The following SF1 variants were observed in gnomAD, a reference collection of about 807,000 sequenced individuals.
SF1 encodes the protein branch point-binding protein.
In SF1, 7 loss-of-function variants were observed where a neutral mutation model predicts 62.5. That is an observed-to-expected ratio of 0.11 (90% CI 0.06 to 0.21). SF1 has a LOEUF of 0.21. Among genes scored for constraint, SF1 ranks in the 10% least tolerant of loss-of-function variants. The probability of loss-of-function intolerance (pLI) is 1.00; values close to 1 mark genes in which losing one functional copy is unlikely to be tolerated. For missense variants in SF1, 578 were observed against 884.0 expected (o/e 0.65, Z 4.39); for synonymous variants, 394 against 323.6 (o/e 1.22, Z -2.33).
At chr11:64,777,588 A>T (rs1360117502) in intron 1 of SF1, 2 of 985,292 alleles carry the variant, frequency 2.0e-6, no homozygotes, top group East Asian at 2.3e-4. Context: ...ACCAGAAGGG[A>T]GTCGCTGCAC....
rs1206187656 is a variant in SF1, at chr11:64,771,997, A to C, written c.236+1433T>G. 4 of 985,426 alleles carry C rather than the reference A, an allele frequency of 4.1e-6. No individual in the cohort carries two copies. The South Asian group carries it at 1.9e-4, about 46-fold the overall frequency. 61.0% of individuals were successfully genotyped at this position (985,426 alleles called of 1,614,324 possible). ...CCCACCCCACAGCTGTCTAGAATTA[A>C]GCATTCTTAGCTAGTTACAAAAACA... On this transcript the variant is annotated intron_variant, in intron 3 of 12. Transcript: ENST00000377390.
At position 64,773,212 on chromosome 11, in the gene SF1, G is replaced by T. The variant is rs569180064; in HGVS notation, c.236+218C>A. The T allele has an allele frequency of 1.5e-5, 20 of 1,358,964 alleles. No individual in the cohort carries two copies. The East Asian group carries it at 5.6e-4, about 38-fold the overall frequency. The allele number at this position is 1,358,964 out of a possible 1,614,324, so 84.2% of individuals were successfully genotyped here. On this transcript the variant is annotated intron_variant, in intron 3 of 12. Coordinates refer to ENST00000377390, the MANE Select transcript of SF1 (RefSeq NM_004630.4). The stretch of plus-strand genomic sequence containing the variant: ...TTGGAAACCAGTTGTCCATTTTCCT[G>T]TAACTTTTTATTCTCCCAACATTTT...
rs1404947890 is a variant in SF1, at chr11:64,773,481, G to C, written c.185C>G (p.Thr62Ser). ...CAGGTCTCCTGTGCGCAGTTTACGA[G>C]TCAGGTCTTCTATCTGCAGTTGCAC... ...YIVQLQIEDL[T>S]RKLRTGDLGI... The change falls in exon 3 of 13, where the codon ACT becomes AGT. Residue 62 changes from threonine to serine, a missense_variant. Transcript: ENST00000377390. 6.2e-7 allele frequency: 1 copy of C among 1,613,322 alleles called. No individual in the cohort carries two copies. The highest frequency in any genetic ancestry group is 1.3e-5 in the African/African-American group (1 of 74,964).
In SF1 at chr11:64,770,449, T is replaced by TC. The variant is rs1491374725; in HGVS notation, c.237-42dup. On this transcript the variant is annotated intron_variant, in intron 3 of 12. Coordinates refer to ENST00000377390, the MANE Select transcript of SF1 (RefSeq NM_004630.4). ...TCCCGTTTACTATTCTGCACCGACT[T>TC]CTCTCATTCCCACACGGACTATAAC... The TC allele has an allele frequency of 3.1e-6, 5 of 1,596,176 alleles. No homozygotes were observed. The South Asian group carries it at 5.5e-5, about 18-fold the overall frequency.
intron 4 of SF1, 98 bp downstream of exon 4, chr11:64,770,158 G>C: frequency 6.4e-7 from 1 of 1,554,080 alleles, no homozygotes; most frequent in East Asian, 2.2e-5. Context: ...TGGGTGACTT[G>C]AGGCAAGAGG....
At chr11:64,778,038 G>C (rs897698330) in intron 1 of SF1, 2 of 1,011,572 alleles carry the variant, frequency 2.0e-6, no homozygotes, top group Non-Finnish European at 1.2e-6. Context: ...GGCGGCTGGG[G>C]TGGCGGCGGC....
At chr11:64,766,622 A>G in intron 12 of SF1, 1 of 425,092 alleles carries the variant, frequency 2.4e-6, no homozygotes, top group Non-Finnish European at 4.2e-6. Flanking sequence ...CCGCTCACTC[A>G]GCCTGCGAGG....
intron 1 of SF1, chr11:64,777,937 G>T: frequency 1.0e-6 from 1 of 980,418 alleles, no homozygotes; most frequent in African/African-American, 1.8e-5. Flanking sequence ...CCCCTCAGGC[G>T]GCCGGGCCCG....
In SF1 at chr11:64,767,184, G is replaced by A. The variant is rs373334671; in HGVS notation, c.1402+8C>T. ...GGTGAAGACCCACAGCCAGCAGACAGCCATTACCTTTTCCTTGATGCAGGC... is the reference window on the plus strand; with the variant it reads ...GGTGAAGACCCACAGCCAGCAGACAACCATTACCTTTTCCTTGATGCAGGC... On this transcript the variant is annotated splice_region_variant and intron_variant, in intron 11 of 12. Coordinates refer to ENST00000377390, the MANE Select transcript of SF1 (RefSeq NM_004630.4). The A allele has an allele frequency of 1.9e-6, 3 of 1,613,980 alleles. No homozygotes were observed. The highest frequency in any genetic ancestry group is 2.2e-5 in the East Asian group (1 of 44,884).
chr11:64,767,488 A>G, intron 10 of SF1, 83 bp downstream of exon 10: 3 of 1,386,658 alleles, frequency 2.2e-6, no homozygotes, highest in Non-Finnish European at 2.9e-6. Context: ...GCCACTTGAG[A>G]GCTGCTTCTA....
intron 8 of SF1, 91 bp from the exon 9 acceptor site, chr11:64,768,377 C>T (rs561158): frequency 0.99 from 1,243,352 of 1,250,500 alleles, 618,457 homozygotes; most frequent in East Asian, 1. Flanking sequence ...ATGGAAAGTT[C>T]TGAAGAATTC....
chr11:64,765,988 G>C lies in SF1; in HGVS notation c.1750C>G (p.Pro584Ala). The C allele has an allele frequency of 1.9e-6, 3 of 1,604,190 alleles. No individual in the cohort carries two copies. The highest frequency in any genetic ancestry group is 1.3e-5 in the African/African-American group (1 of 74,678). The change falls in exon 13 of 13, where the codon CCT (proline) becomes GCT (alanine). Residue 584 changes from proline to alanine, a missense_variant. Pro to Ala is a conservative substitution (Grantham distance 27, BLOSUM62 -1). Transcript: ENST00000377390. ...GAACCAGGCGGTGGAGGCGGCGGAG[G>C]GGGAGGGGCCCCAGGCGGCAGAGGC... ...QPPLPPGAPP[P>A]PPPPPPGSAG... is the part of the protein sequence containing the mutation.
intron 10 of SF1, 62 bp from the exon 11 acceptor site, chr11:64,767,313 C>A: frequency 6.7e-7 from 1 of 1,483,192 alleles, no homozygotes; most frequent in South Asian, 1.1e-5. Context: ...GAAGCCACCC[C>A]TGTGATAACC....
chr11:64,772,790 C>T (rs924571995), intron 3 of SF1: 5 of 985,016 alleles, frequency 5.1e-6, no homozygotes, highest in South Asian at 4.7e-5. Flanking sequence ...TTGAGGCCCA[C>T]GCTCCCTTTA....
intron 2 of SF1, among the ~76,000 whole-genome samples, chr11:64,775,319 A>C (rs1038488620): frequency 6.6e-6 from 1 of 152,192 alleles, no homozygotes; most frequent in African/African-American, 2.4e-5. Flanking sequence ...AGATATAAAG[A>C]ATTTGTGCTC....
At position 64,768,106 on chromosome 11, in the gene SF1, C is replaced by G. The variant is rs1257026992; in HGVS notation, c.1068G>C (p.Pro356=). Residue 356 remains proline (P), a splice_region_variant and synonymous_variant, in exon 9 of 13, where the codon CCG becomes CCC. Coordinates refer to ENST00000377390, the MANE Select transcript of SF1 (RefSeq NM_004630.4). ...PAAPANNPPP[P]SLMSTTQSRP... ...CAAGAGAGCCAGCCCCCAGGCTCAC[C>G]GGTGGAGGTGGGTTGTTGGCGGGAG... 1 of 1,607,210 alleles carries G rather than the reference C, an allele frequency of 6.2e-7. No individual in the cohort carries two copies. The highest frequency in any genetic ancestry group is 8.5e-7 in the Non-Finnish European group (1 of 1,176,824).
Position 64,778,354 on chromosome 11 carries a change from C to T in SF1, c.31+8G>A, listed in dbSNP as rs1379381569. The T allele has an allele frequency of 2.4e-6, 3 of 1,226,950 alleles. No homozygotes were observed. Among genetic ancestry groups the T allele is most frequent in the Non-Finnish European group, 2.0e-6 (2 of 984,098 alleles). The allele number at this position is 1,226,950 out of a possible 1,614,324, so 76.0% of individuals were successfully genotyped here. On this transcript the variant is annotated splice_region_variant and intron_variant, in intron 1 of 12. Coordinates refer to ENST00000377390, the MANE Select transcript of SF1 (RefSeq NM_004630.4). ...GGAGCGGGGGCAGCCCGGGGGGGCC[C>T]AGCTTACCCAACGGCGTGGCGTTCG...
chr11:64,766,554 C>A, intron 12 of SF1: 1 of 417,376 alleles, frequency 2.4e-6, no homozygotes. Context: ...GCAGCCCTTG[C>A]CAGAGCAAGC....
chr11:64,769,802 GAAGTT>G lies in SF1; in HGVS notation c.479+157_479+161del, dbSNP rs1938007365. ...GATTTGACTTCTCCGCACTAGTGGG[GAAGTT>G]AAGACACCTTCTCACAGAAAGGCAT... On this transcript the variant is annotated intron_variant, in intron 5 of 12. Coordinates refer to ENST00000377390, the MANE Select transcript of SF1 (RefSeq NM_004630.4). 6.3e-5 allele frequency: 46 copies of G among 726,298 alleles called. 1 individual carries two copies. The highest frequency in any genetic ancestry group is 8.9e-5 in the Non-Finnish European group (39 of 439,324). 45.0% of individuals were successfully genotyped at this position (726,298 alleles called of 1,614,324 possible). A position where few individuals can be genotyped will look rare whatever the true frequency, so the allele number is the denominator to read the frequency against.
Sources: gnomAD v4.1 joint callset for allele counts (sites outside exome capture counted in the v4.1 genomes callset) on GRCh38, gnomAD v4.1.1 for gene constraint, MANE v1.5 for transcripts, NCBI Gene and HGNC (gene_info 2026-07-23, HGNC 2026-07-21) for gene names.